Variants in CYYR1 observed in about 807,000 individuals in gnomAD.
CYYR1 encodes the protein cysteine and tyrosine-rich protein 1.
A neutral mutation model predicts 15.2 loss-of-function variants in CYYR1; 14 were observed. The observed-to-expected ratio is 0.92, with a 90% CI of 0.61 to 1.44. The LOEUF (loss-of-function observed/expected upper bound fraction) is 1.44, where lower values mean the gene tolerates loss of function less well. Among genes scored for constraint, CYYR1 ranks in the 40% most tolerant of loss-of-function variants. CYYR1 has a pLI of 0.00. For missense variants in CYYR1, 228 were observed against 209.5 expected (o/e 1.09, Z -0.54); for synonymous variants, 80 against 77.4 (o/e 1.03, Z -0.18).
intron 2 of CYYR1, among the ~76,000 whole-genome samples, chr21:26,517,744 C>CAGGGTTTCA (rs1338716907): frequency 6.6e-6 from 1 of 152,140 alleles, no homozygotes; most frequent in Admixed American, 6.5e-5. Context: ...TTAGTAGAGA[C>CAGGGTTTCA]AGGGTTTCAC....
intron 2 of CYYR1, among the ~76,000 whole-genome samples, chr21:26,533,799 G>GAGAA (rs1569163745): frequency 6.6e-6 from 1 of 152,140 alleles, no homozygotes; most frequent in East Asian, 1.9e-4. Flanking sequence ...AATGCTTGCT[G>GAGAA]TTCGTCTGAG....
intron 2 of CYYR1, among the ~76,000 whole-genome samples, chr21:26,552,522 T>C (rs1979468993): frequency 6.6e-6 from 1 of 152,148 alleles, no homozygotes; most frequent in African/African-American, 2.4e-5. Context: ...ATTTGCTTTC[T>C]GTTTGTTCCC....
At chr21:26,488,778 C>T (rs2065287292) in intron 2 of CYYR1, among the ~76,000 whole-genome samples, 1 of 151,868 alleles carries the variant, frequency 6.6e-6, no homozygotes, top group African/African-American at 2.4e-5. Context: ...CCAAGGTGGA[C>T]CATGAAGACA....
chr21:26,557,293 C>T (rs1979860189), intron 2 of CYYR1, among the ~76,000 whole-genome samples: 1 of 152,144 alleles, frequency 6.6e-6, no homozygotes. Flanking sequence ...CTAATTAAGG[C>T]AGCTCCTAAA....
At position 26,468,519 on chromosome 21, in the gene CYYR1, A is replaced by G; in HGVS notation, c.450T>C (p.Pro150=). 1.3e-6 allele frequency: 2 copies of G among 1,594,464 alleles called. No homozygotes were observed. The highest frequency in any genetic ancestry group is 1.1e-5 in the South Asian group (1 of 90,706). Residue 150 remains proline (P), a synonymous_variant, in exon 4 of 4, where the codon CCT becomes CCC. Transcript: ENST00000652641. ...PAQRSPPPPY[P]GNARK ...AGATAGATTATTTCCTTGCGTTTCC[A>G]GGATAAGGAGGGGGTGGAGAACGCT...
chr21:26,525,724 A>AC (rs1175699373), intron 2 of CYYR1, among the ~76,000 whole-genome samples: 3 of 152,080 alleles, frequency 2.0e-5, no homozygotes, highest in South Asian at 2.1e-4. Flanking sequence ...GGGCTATCTG[A>AC]CCCCCCAAAT....
At chr21:26,538,438 T>C (rs925048279) in intron 2 of CYYR1, among the ~76,000 whole-genome samples, 3 of 152,200 alleles carry the variant, frequency 2.0e-5, no homozygotes, top group African/African-American at 7.2e-5. Context: ...CTGTATGTAG[T>C]GTACTGGTTT....
intron 2 of CYYR1, among the ~76,000 whole-genome samples, chr21:26,491,042 T>C (rs1326850590): frequency 6.6e-6 from 1 of 152,164 alleles, no homozygotes; most frequent in Admixed American, 6.5e-5. Context: ...GGTGATTGCA[T>C]TCTGCCACAC....
intron 2 of CYYR1, among the ~76,000 whole-genome samples, chr21:26,526,883 C>T (rs1424045897): frequency 2.0e-5 from 3 of 152,164 alleles, no homozygotes; most frequent in South Asian, 2.1e-4. Flanking sequence ...AAGGTGCAAG[C>T]ATTTAAACAT....
At chr21:26,511,880 C>A (rs934620463) in intron 2 of CYYR1, among the ~76,000 whole-genome samples, 6 of 151,934 alleles carry the variant, frequency 3.9e-5, no homozygotes, top group African/African-American at 1.5e-4. Context: ...ATTGTGTAGA[C>A]AATTTAGAGG....
chr21:26,564,909 A>G lies in CYYR1; in HGVS notation c.176+1357T>C, dbSNP rs1004733993. On this transcript the variant is annotated intron_variant, in intron 2 of 3. Transcript: ENST00000652641. ...GTTACTTTAAATACTGCGAAGTAAT[A>G]TGCCACTGTAAACATCATTATATAT... is the stretch of plus-strand genomic sequence containing the variant. The G allele has an allele frequency of 4.8e-5, 35 of 722,808 alleles. No homozygotes were observed. In the Admixed American group the frequency reaches 1.1e-3, roughly 22 times the overall value. 44.8% of individuals were successfully genotyped at this position (722,808 alleles called of 1,614,324 possible).
chr21:26,520,856 A>G (rs1272985673), intron 2 of CYYR1, among the ~76,000 whole-genome samples: 1 of 152,030 alleles, frequency 6.6e-6, no homozygotes, highest in Non-Finnish European at 1.5e-5. Flanking sequence ...TGCAACCAAC[A>G]AACATATGAG....
At chr21:26,539,472 C>A (rs566523390) in intron 2 of CYYR1, among the ~76,000 whole-genome samples, 1 of 152,274 alleles carries the variant, frequency 6.6e-6, no homozygotes, top group African/African-American at 2.4e-5. Context: ...CCTAGGTTTT[C>A]TCTTGATGCA....
At chr21:26,529,081 A>T (rs1331340217) in intron 2 of CYYR1, among the ~76,000 whole-genome samples, 2 of 152,218 alleles carry the variant, frequency 1.3e-5, no homozygotes, top group Non-Finnish European at 2.9e-5. Flanking sequence ...TATATATAGT[A>T]CTTATTAGTC....
intron 2 of CYYR1, among the ~76,000 whole-genome samples, chr21:26,538,813 T>C (rs1221730704): frequency 6.6e-6 from 1 of 152,206 alleles, no homozygotes; most frequent in African/African-American, 2.4e-5. Context: ...GGCAGCCTGG[T>C]AAAGTCTAGG....
chr21:26,559,196 G>A (rs570560570), intron 2 of CYYR1, among the ~76,000 whole-genome samples: 2 of 152,222 alleles, frequency 1.3e-5, no homozygotes, highest in Non-Finnish European at 2.9e-5. Context: ...AAGTTGGTTT[G>A]TCCTGCTTTA....
At chr21:26,498,127 T>C (rs13046084) in intron 2 of CYYR1, among the ~76,000 whole-genome samples, 6 of 152,326 alleles carry the variant, frequency 3.9e-5, no homozygotes, top group African/African-American at 1.4e-4. Flanking sequence ...ACCTAGTCAG[T>C]ATTTTTCTAG....
intron 2 of CYYR1, among the ~76,000 whole-genome samples, chr21:26,494,645 C>G (rs904150228): frequency 2.0e-5 from 3 of 150,594 alleles, no homozygotes; most frequent in Non-Finnish European, 4.4e-5. Context: ...TTTTTTTTTT[C>G]CCCTTAAAAG....
Position 26,499,268 on chromosome 21 carries a change from TA to T in CYYR1, c.177-18840del, listed in dbSNP as rs547944423. Among the ~76,000 whole-genome samples the T allele has an allele frequency of 7.9e-5, 12 of 152,256 alleles. No individual in the cohort carries two copies. In the South Asian group the frequency reaches 1.9e-3, roughly 24 times the overall value. ...CTAAATACAACGATGAGTATTTTTATAAGGGACACACAGGGGCGATGTGACA... is the reference window on the plus strand; with the variant it reads ...CTAAATACAACGATGAGTATTTTTATAGGGACACACAGGGGCGATGTGACA... On this transcript the variant is annotated intron_variant, in intron 2 of 3. Coordinates refer to ENST00000652641, the MANE Select transcript of CYYR1 (RefSeq NM_001320768.2).
Sources: gnomAD v4.1 joint callset for allele counts (sites outside exome capture counted in the v4.1 genomes callset) on GRCh38, gnomAD v4.1.1 for gene constraint, MANE v1.5 for transcripts, NCBI Gene and HGNC (gene_info 2026-07-23, HGNC 2026-07-21) for gene names.